The following LRRC20 variants were observed in gnomAD, a reference collection of about 807,000 sequenced individuals.
The protein encoded by LRRC20 is leucine-rich repeat-containing protein 20.
LRRC20 carries 11 observed loss-of-function variants against 14.4 expected under a neutral mutation model. The observed-to-expected ratio is 0.77, with a 90% CI of 0.48 to 1.27. LRRC20 has a LOEUF of 1.27. Among genes scored for constraint, LRRC20 ranks in the 50% most tolerant of loss-of-function variants. LRRC20 has a pLI of 0.00. For synonymous variants in LRRC20, 121 were observed against 107.3 expected, an observed-to-expected ratio of 1.13 and a Z score of -0.79; for missense variants, 219 against 251.2, an observed-to-expected ratio of 0.87 and a Z score of 0.87.
intron 4 of LRRC20, among the ~76,000 whole-genome samples, chr10:70,302,939 T>C (rs1841269533): frequency 1.3e-5 from 2 of 151,962 alleles, no homozygotes; most frequent in South Asian, 2.1e-4. Context: ...CTCGATCTCC[T>C]GACCTCGTGA....
chr10:70,335,409 G>C (rs958471002), intron 3 of LRRC20, among the ~76,000 whole-genome samples: 1 of 152,198 alleles, frequency 6.6e-6, no homozygotes, highest in African/African-American at 2.4e-5. Flanking sequence ...CCCACACACA[G>C]CTGCTCCCGA....
At chr10:70,333,782 T>G (rs1013689636) in intron 3 of LRRC20, among the ~76,000 whole-genome samples, 15 of 152,232 alleles carry the variant, frequency 9.9e-5, no homozygotes, top group Non-Finnish European at 2.1e-4. Context: ...GTCTGCCCCT[T>G]GTGCATAACT....
chr10:70,369,876 TC>T (rs35209943), intron 2 of LRRC20, among the ~76,000 whole-genome samples: 105,394 of 151,578 alleles, frequency 0.7, 36,726 homozygotes, highest in Non-Finnish European at 0.72. Flanking sequence ...GGTCAGGAGT[TC>T]GAGACCAGCC....
At chr10:70,366,083 A>AC (rs1843983881) in intron 2 of LRRC20, among the ~76,000 whole-genome samples, 1 of 131,144 alleles carries the variant, frequency 7.6e-6, no homozygotes, top group Non-Finnish European at 1.6e-5. Flanking sequence ...AAAAAAAAAA[A>AC]AAACAACAAC....
chr10:70,327,670 A>T (rs1403223520), intron 3 of LRRC20, among the ~76,000 whole-genome samples: 2 of 152,144 alleles, frequency 1.3e-5, no homozygotes, highest in African/African-American at 4.8e-5. Context: ...CTGGGGATTT[A>T]CATGTAATCA....
intron 2 of LRRC20, among the ~76,000 whole-genome samples, chr10:70,352,458 G>T (rs776317585): frequency 2.6e-5 from 4 of 152,230 alleles, no homozygotes; most frequent in Non-Finnish European, 4.4e-5. Context: ...AGCAGGCAGA[G>T]CACAGAGGAT....
In LRRC20 at chr10:70,347,855, A is replaced by AC. The variant is rs1589099757; in HGVS notation, c.83-7154_83-7153insG. Among the ~76,000 whole-genome samples, 33 of 150,220 alleles carry AC rather than the reference A, an allele frequency of 2.2e-4. No individual in the cohort carries two copies. The South Asian group carries it at 6.9e-3, about 31-fold the overall frequency. ...AAAACCCAAAAAACACACACACACA[A>AC]AAAACAAGCAACATACAAGCCCTCT... is the stretch of plus-strand genomic sequence containing the variant. On this transcript the variant is annotated intron_variant, in intron 2 of 4. Coordinates refer to ENST00000446961, the MANE Select transcript of LRRC20 (RefSeq NM_001278212.2).
chr10:70,376,590 C>T lies in LRRC20; in HGVS notation c.-57G>A, dbSNP rs555581691. The stretch of plus-strand genomic sequence containing the variant: ...GGCTGGTCTGCTTCTCACAAAAGGG[C>T]CTGAGCCTGGGGAAGACGCAGTGCC... On this transcript the variant is annotated 5_prime_UTR_variant, in exon 2 of 5. Transcript: ENST00000446961. The T allele has an allele frequency of 8.4e-6, 13 of 1,555,248 alleles. No individual in the cohort carries two copies. The highest frequency in any genetic ancestry group is 1.1e-5 in the Non-Finnish European group (13 of 1,133,552).
chr10:70,326,938 C>T (rs1026457825), intron 3 of LRRC20, among the ~76,000 whole-genome samples: 6 of 152,210 alleles, frequency 3.9e-5, no homozygotes, highest in African/African-American at 1.4e-4. Context: ...GGATTACAGG[C>T]GTGAGCCACC....
At chr10:70,330,419 G>A (rs1324278592) in intron 3 of LRRC20, among the ~76,000 whole-genome samples, 1 of 150,812 alleles carries the variant, frequency 6.6e-6, no homozygotes, top group Non-Finnish European at 1.5e-5. Flanking sequence ...AAACCTGGTA[G>A]GTTTTGAGTG....
chr10:70,344,199 GAAAAAAAGAAAAGAAAATA>G (rs991956613), intron 2 of LRRC20, among the ~76,000 whole-genome samples: 2 of 151,360 alleles, frequency 1.3e-5, no homozygotes, highest in African/African-American at 2.4e-5. Context: ...GACCTTGTCT[GAAAAAAAGAAAAGAAAATA>G]AAAAAAAGAA....
At chr10:70,359,465 C>T (rs1311203809) in intron 2 of LRRC20, among the ~76,000 whole-genome samples, 1 of 152,150 alleles carries the variant, frequency 6.6e-6, no homozygotes, top group African/African-American at 2.4e-5. Flanking sequence ...CACTTGAGCC[C>T]AGGAGTTTGA....
intron 2 of LRRC20, among the ~76,000 whole-genome samples, chr10:70,358,947 T>C (rs1175898400): frequency 6.6e-6 from 1 of 152,216 alleles, no homozygotes; most frequent in Non-Finnish European, 1.5e-5. Flanking sequence ...ATCGGGAAGC[T>C]TGGTCTCAGC....
intron 2 of LRRC20, among the ~76,000 whole-genome samples, chr10:70,356,709 G>A (rs1271855595): frequency 6.6e-6 from 1 of 151,586 alleles, no homozygotes; most frequent in African/African-American, 2.4e-5. Context: ...AAATTAGCAG[G>A]GTGTGGTGGC....
chr10:70,311,222 A>ATTTTTTTTTTTTTTTTTTTTTT (rs11314061), intron 4 of LRRC20, among the ~76,000 whole-genome samples: 2 of 86,346 alleles, frequency 2.3e-5, no homozygotes, highest in Non-Finnish European at 4.4e-5. Flanking sequence ...TCAACATTCC[A>ATTTTTTTTTTTTTTTTTTTTTT]TTTTTTTTTT....
intron 4 of LRRC20, among the ~76,000 whole-genome samples, chr10:70,312,404 A>G (rs1454802753): frequency 2.0e-5 from 3 of 151,964 alleles, no homozygotes; most frequent in Non-Finnish European, 2.9e-5. Flanking sequence ...CCACTCCACC[A>G]CACCCTTCTG....
In LRRC20 at chr10:70,372,964, A is replaced by T. The variant is rs180700555; in HGVS notation, c.82+3488T>A. Among the ~76,000 whole-genome samples, 1,216 of 151,752 alleles carry T rather than the reference A, an allele frequency of 8.0e-3. 16 individuals carry two copies. The highest frequency in any genetic ancestry group is 0.03 in the South Asian group (144 of 4,800). Reference sequence around the variant, plus strand: ...CTAAAAAAAAAAAAAAAATAGAAAAATAAGCCAGGCATGGTGGCACACACC... The same window carrying T: ...CTAAAAAAAAAAAAAAAATAGAAAATTAAGCCAGGCATGGTGGCACACACC... On this transcript the variant is annotated intron_variant, in intron 2 of 4. Coordinates refer to ENST00000446961, the MANE Select transcript of LRRC20 (RefSeq NM_001278212.2).
chr10:70,306,343 C>CT (rs1841425847), intron 4 of LRRC20, among the ~76,000 whole-genome samples: 1 of 152,162 alleles, frequency 6.6e-6, no homozygotes, highest in Non-Finnish European at 1.5e-5. Flanking sequence ...CTGTACAGCA[C>CT]TTCCCCCTCT....
chr10:70,349,429 G>A (rs1843207619), intron 2 of LRRC20, among the ~76,000 whole-genome samples: 1 of 152,030 alleles, frequency 6.6e-6, no homozygotes, highest in African/African-American at 2.4e-5. Context: ...AATACAAAAA[G>A]TAGTCGGTCG....
Sources: gnomAD v4.1 joint callset for allele counts (sites outside exome capture counted in the v4.1 genomes callset) on GRCh38, gnomAD v4.1.1 for gene constraint, MANE v1.5 for transcripts, NCBI Gene and HGNC (gene_info 2026-07-23, HGNC 2026-07-21) for gene names.